The following CCNY variants were observed in gnomAD, a reference collection of about 807,000 sequenced individuals.
CCNY encodes cyclin-Y.
A neutral mutation model predicts 42.8 loss-of-function variants in CCNY; 19 were observed. The observed-to-expected ratio is 0.44, with a 90% CI of 0.31 to 0.65. The LOEUF is 0.65. Among genes scored for constraint, CCNY ranks in the 30% least tolerant of loss-of-function variants. The pLI is 0.07. For synonymous variants in CCNY, 165 were observed against 162.7 expected (o/e 1.01, Z -0.11); for missense variants, 370 against 437.3 (o/e 0.85, Z 1.37).
At chr10:35,263,365 A>C (rs1360344928) in intron 3 of CCNY, among the ~76,000 whole-genome samples, 1 of 147,382 alleles carries the variant, frequency 6.8e-6, no homozygotes, top group African/African-American at 2.5e-5. Context: ...TCAAAAAAAA[A>C]AAAAAAAAAA....
chr10:35,257,458 T>C (rs759911008), intron 3 of CCNY, among the ~76,000 whole-genome samples: 11 of 152,044 alleles, frequency 7.2e-5, no homozygotes, highest in Non-Finnish European at 1.3e-4. Context: ...TCATTTTTTA[T>C]CTGGGAAGGT....
intron 3 of CCNY, among the ~76,000 whole-genome samples, chr10:35,269,630 T>G (rs1006891592): frequency 4.3e-5 from 6 of 138,192 alleles, no homozygotes; most frequent in Non-Finnish European, 7.6e-5. Context: ...TTTTTTTTTT[T>G]GTTTTGTTTT....
chr10:35,339,176 A>G (rs982456470), intron 1 of CCNY, among the ~76,000 whole-genome samples: 2 of 152,234 alleles, frequency 1.3e-5, no homozygotes, highest in African/African-American at 4.8e-5. Context: ...CAAATTCAAT[A>G]AATAATACTT....
chr10:35,494,245 C>CCA (rs5784454), intron 2 of CCNY, among the ~76,000 whole-genome samples: 3 of 146,226 alleles, frequency 2.1e-5, no homozygotes, highest in Non-Finnish European at 3.0e-5. Flanking sequence ...CCCCCCCCCC[C>CCA]ATTTCTACAA....
intron 3 of CCNY, among the ~76,000 whole-genome samples, chr10:35,282,114 CTTTTTT>C (rs3066487): frequency 1.1e-5 from 1 of 87,884 alleles, no homozygotes; most frequent in Non-Finnish European, 2.0e-5. Flanking sequence ...CATCTACACC[CTTTTTT>C]TTTTTTTTTT....
intron 8 of CCNY, among the ~76,000 whole-genome samples, chr10:35,557,264 T>G (rs1428576410): frequency 1.3e-5 from 2 of 152,230 alleles, no homozygotes; most frequent in Non-Finnish European, 2.9e-5. Context: ...GGTGAAAATT[T>G]TACATTGCTG....
Position 35,449,553 on chromosome 10 carries a change from G to A in CCNY, c.155-33851G>A, listed in dbSNP as rs189275711. Among the ~76,000 whole-genome samples the A allele has an allele frequency of 6.3e-4, 96 of 151,656 alleles. No homozygotes were observed. The Middle Eastern group carries it at 0.021, about 32-fold the overall frequency. Reference sequence around the variant, plus strand: ...GGGAAGGCTGCAGAGGGGGAGGCTGGTTGAGAGCTGTAGTTCGGTTTTTGG... The same window carrying A: ...GGGAAGGCTGCAGAGGGGGAGGCTGATTGAGAGCTGTAGTTCGGTTTTTGG... On this transcript the variant is annotated intron_variant, in intron 1 of 9. Transcript: ENST00000374704.
chr10:35,390,112 A>T (rs1837383142), intron 1 of CCNY, among the ~76,000 whole-genome samples: 1 of 152,268 alleles, frequency 6.6e-6, no homozygotes, highest in Non-Finnish European at 1.5e-5. Context: ...TTTGTACAAA[A>T]TATGGCATAC....
Position 35,309,264 on chromosome 10 carries a change from C to T in CCNY, c.-9+58638C>T, listed in dbSNP as rs375008980. ...AAACAGTGTCTCAAGGAAGAATGGC[C>T]CTCCACATGAGATAGGTCAGCAATC... On this transcript the variant is annotated intron_variant, in intron 3 of 11. Transcript: ENST00000374706. 1.2e-4 allele frequency among the ~76,000 whole-genome samples: 18 copies of T among 152,238 alleles called. No individual in the cohort carries two copies. The East Asian group carries it at 1.3e-3, about 11-fold the overall frequency.
chr10:35,516,863 G>A (rs766692258), intron 4 of CCNY, among the ~76,000 whole-genome samples: 8 of 151,548 alleles, frequency 5.3e-5, no homozygotes, highest in Non-Finnish European at 8.8e-5. Context: ...TTTTTACATA[G>A]TACTATTTAC....
intron 1 of CCNY, among the ~76,000 whole-genome samples, chr10:35,447,537 T>C (rs781443031): frequency 1.3e-5 from 2 of 152,218 alleles, no homozygotes; most frequent in Non-Finnish European, 2.9e-5. Context: ...TACCTGCACG[T>C]TTCCATTTCT....
At chr10:35,420,032 C>T (rs1838127189) in intron 1 of CCNY, among the ~76,000 whole-genome samples, 1 of 150,324 alleles carries the variant, frequency 6.7e-6, no homozygotes, top group African/African-American at 2.4e-5. Flanking sequence ...GTTTTGCTGA[C>T]TCCTGTTCTT....
rs1841661938 is a variant in CCNY at position 35,570,294 on chromosome 10, A to C, written c.*1124A>C. On this transcript the variant is annotated 3_prime_UTR_variant, in exon 10 of 10. Coordinates refer to ENST00000374704, the MANE Select transcript of CCNY (RefSeq NM_145012.6). Reference sequence around the variant, plus strand: ...GATCATTGAAGGGAAAAATGTTACTATTTACTGAGGTATTTTTCACAGAAT... The same window carrying C: ...GATCATTGAAGGGAAAAATGTTACTCTTTACTGAGGTATTTTTCACAGAAT... The C allele has an allele frequency of 6.6e-6, 1 of 152,308 alleles. No individual in the cohort carries two copies. The highest frequency in any genetic ancestry group is 2.4e-5 in the African/African-American group (1 of 41,422). The allele number at this position is 152,308 out of a possible 1,614,324, so 9.4% of individuals were successfully genotyped here.
chr10:35,357,155 G>C (rs1257690787), intron 1 of CCNY, among the ~76,000 whole-genome samples: 2 of 152,072 alleles, frequency 1.3e-5, no homozygotes, highest in East Asian at 3.8e-4. Context: ...ACATAATCCA[G>C]AGAGAGCAGC....
At chr10:35,477,460 C>T (rs1423268849) in intron 1 of CCNY, among the ~76,000 whole-genome samples, 3 of 151,202 alleles carry the variant, frequency 2.0e-5, no homozygotes, top group African/African-American at 7.3e-5. Flanking sequence ...GGCTTCATCC[C>T]TGGGATGCAA....
intron 3 of CCNY, among the ~76,000 whole-genome samples, chr10:35,325,562 C>T (rs1258657292): frequency 6.6e-6 from 1 of 151,290 alleles, no homozygotes; most frequent in Non-Finnish European, 1.5e-5. Context: ...TCACTGCAGC[C>T]TCTGCCTACA....
intron 1 of CCNY, among the ~76,000 whole-genome samples, chr10:35,407,071 AAG>A (rs753787667): frequency 4.6e-5 from 7 of 152,210 alleles, no homozygotes; most frequent in Non-Finnish European, 1.0e-4. Context: ...TTTGATGAAA[AAG>A]AACCTAAATG....
chr10:35,281,862 C>T (rs1450100110), intron 3 of CCNY, among the ~76,000 whole-genome samples: 1 of 152,080 alleles, frequency 6.6e-6, no homozygotes, highest in Non-Finnish European at 1.5e-5. Context: ...ACTGAAAACA[C>T]TCAATTCTAC....
At chr10:35,552,896 TGTGATTGGGTAATAAATTCCCATTTAAAG>T (rs1841289088) in intron 7 of CCNY, 94 bp from the exon 8 acceptor site, 2 of 1,018,494 alleles carry the variant, frequency 2.0e-6, no homozygotes, top group African/African-American at 3.2e-5. Flanking sequence ...TAAAAATAAA[TGTGATTGGGTAATAAATTCCCATTTAAAG>T]GTGGATGTAA....
Sources: allele counts gnomAD v4.1 joint callset (sites outside exome capture counted in the v4.1 genomes callset), GRCh38; gene constraint gnomAD v4.1.1; transcripts MANE v1.5; gene names NCBI Gene and HGNC (gene_info 2026-07-23, HGNC 2026-07-21).